The following KCNK2 variants were observed in gnomAD, a reference collection of about 807,000 sequenced individuals.
KCNK2 encodes potassium two pore domain channel subfamily K member 2.
Under a neutral mutation model 40.5 loss-of-function variants are expected in KCNK2, and 21 were observed. The observed-to-expected ratio is 0.52, with a 90% CI of 0.37 to 0.75. KCNK2 has a LOEUF of 0.75. Ranked by LOEUF, KCNK2 falls within the 30% of genes least tolerant of loss-of-function variation. KCNK2 has a pLI of 0.00. For missense variants in KCNK2, 399 were observed against 531.6 expected, an observed-to-expected ratio of 0.75 and a Z score of 2.45; for synonymous variants, 191 against 202.2, an observed-to-expected ratio of 0.94 and a Z score of 0.47.
chr1:215,050,389 T>A (rs917300916), intron 1 of KCNK2, among the ~76,000 whole-genome samples: 2 of 152,174 alleles, frequency 1.3e-5, no homozygotes, highest in Non-Finnish European at 2.9e-5. Context: ...TAACTATTCA[T>A]TAGTTAAGTC....
At chr1:215,214,808 G>A (rs957220770) in intron 6 of KCNK2, among the ~76,000 whole-genome samples, 2 of 151,990 alleles carry the variant, frequency 1.3e-5, no homozygotes, top group Non-Finnish European at 2.9e-5. Context: ...CCTGGGCAGT[G>A]GGAGTGAGAC....
chr1:215,218,717 C>T (rs1398054275), intron 6 of KCNK2, among the ~76,000 whole-genome samples: 5 of 152,160 alleles, frequency 3.3e-5, no homozygotes, highest in African/African-American at 9.7e-5. Context: ...CCTTACTTCT[C>T]ATCAACTCCT....
At chr1:215,110,497 A>G (rs1453704302) in intron 2 of KCNK2, among the ~76,000 whole-genome samples, 2 of 151,910 alleles carry the variant, frequency 1.3e-5, no homozygotes, top group African/African-American at 4.8e-5. Flanking sequence ...CAATCTTGAC[A>G]CCCTTGTTGA....
intron 1 of KCNK2, among the ~76,000 whole-genome samples, chr1:215,072,140 T>C (rs1184484680): frequency 2.6e-5 from 4 of 152,258 alleles, no homozygotes; most frequent in Non-Finnish European, 4.4e-5. Context: ...ACACTTACAC[T>C]ATATGAGTAA....
At chr1:215,055,930 G>A (rs1658142860) in intron 1 of KCNK2, among the ~76,000 whole-genome samples, 1 of 152,190 alleles carries the variant, frequency 6.6e-6, no homozygotes. Flanking sequence ...CTTGTGGGCT[G>A]CAAATCCTAA....
At chr1:215,096,261 C>A (rs896944976) in intron 2 of KCNK2, among the ~76,000 whole-genome samples, 2 of 151,538 alleles carry the variant, frequency 1.3e-5, no homozygotes, top group South Asian at 4.2e-4. Flanking sequence ...TATAGGATCA[C>A]GTATGCATGC....
intron 1 of KCNK2, among the ~76,000 whole-genome samples, chr1:215,058,345 G>A (rs1195357110): frequency 6.6e-6 from 1 of 152,202 alleles, no homozygotes. Flanking sequence ...GTTAATTGAA[G>A]ACAGAATGCA....
At chr1:215,219,483 A>T (rs1666085496) in intron 6 of KCNK2, among the ~76,000 whole-genome samples, 1 of 150,428 alleles carries the variant, frequency 6.6e-6, no homozygotes, top group Non-Finnish European at 1.5e-5. Flanking sequence ...CTGAAACATA[A>T]ATGCCAAAGT....
chr1:215,029,151 T>C (rs999102803), intron 1 of KCNK2, among the ~76,000 whole-genome samples: 1 of 152,088 alleles, frequency 6.6e-6, no homozygotes, highest in East Asian at 1.9e-4. Context: ...CTAGAGTTGA[T>C]AATTTAATTT....
At chr1:215,080,253 G>C (rs1409651491), upstream of KCNK2, among the ~76,000 whole-genome samples, 3 of 152,194 alleles carry the variant, frequency 2.0e-5, no homozygotes, top group Non-Finnish European at 4.4e-5. Flanking sequence ...GCATTAGCCA[G>C]TTTGACAGAG....
intron 3 of KCNK2, among the ~76,000 whole-genome samples, chr1:215,141,355 T>C (rs1662165325): frequency 6.6e-6 from 1 of 152,140 alleles, no homozygotes; most frequent in Non-Finnish European, 1.5e-5. Flanking sequence ...AGAAGTGCAG[T>C]AGATTTTCTA....
intron 2 of KCNK2, among the ~76,000 whole-genome samples, chr1:215,088,244 T>A (rs1050046721): frequency 6.6e-6 from 1 of 152,184 alleles, no homozygotes; most frequent in South Asian, 2.1e-4. Flanking sequence ...GGAGGCAGCA[T>A]GGTGTAGCAG....
chr1:215,070,782 T>C lies in KCNK2; in HGVS notation c.35-15586T>C, dbSNP rs576312153. On this transcript the variant is annotated intron_variant, in intron 1 of 6. Coordinates refer to the KCNK2 transcript ENST00000391895. ...CTTCCTTCAGCTGTCCTATTAGCTT[T>C]CAGTTTAGTAGAGGAAGCCAGACAT... Among the ~76,000 whole-genome samples the C allele has an allele frequency of 3.3e-5, 5 of 152,170 alleles. No homozygotes were observed. In the East Asian group the frequency reaches 7.7e-4, roughly 24 times the overall value.
intron 2 of KCNK2, among the ~76,000 whole-genome samples, chr1:215,116,744 A>C (rs1192537997): frequency 6.6e-6 from 1 of 152,068 alleles, no homozygotes; most frequent in Non-Finnish European, 1.5e-5. Flanking sequence ...TTAAGTAATA[A>C]GAATTAAATT....
intron 1 of KCNK2, among the ~76,000 whole-genome samples, chr1:215,016,371 A>G (rs1276859593): frequency 6.6e-6 from 1 of 152,136 alleles, no homozygotes; most frequent in African/African-American, 2.4e-5. Flanking sequence ...AAGCTACAGT[A>G]ATAATAAAAC....
Position 215,183,168 on chromosome 1 carries a change from C to T in KCNK2, c.823+10985C>T, listed in dbSNP as rs141009606. ...TCAAGTGACTGAAGCACACTAAAAG[C>T]CATTAATCATTTTTTCCATCTTGGG... On this transcript the variant is annotated intron_variant, in intron 5 of 6. Coordinates refer to ENST00000444842, the MANE Select transcript of KCNK2 (RefSeq NM_001017425.3). Among the ~76,000 whole-genome samples, 60 of 152,158 alleles carry T rather than the reference C, an allele frequency of 3.9e-4. No homozygotes were observed. The East Asian group carries it at 0.011, about 28-fold the overall frequency.
intron 2 of KCNK2, among the ~76,000 whole-genome samples, chr1:215,102,326 T>C (rs1200697833): frequency 6.6e-6 from 1 of 151,936 alleles, no homozygotes; most frequent in Non-Finnish European, 1.5e-5. Flanking sequence ...TTAGTTTTCA[T>C]TAAAACTGTT....
At chr1:215,195,198 G>T in intron 6 of KCNK2, 106 bp downstream of exon 6, 2 of 931,702 alleles carry the variant, frequency 2.1e-6, no homozygotes, top group Non-Finnish European at 3.0e-6. Context: ...ATTTTAAAAT[G>T]TTAATATTTT....
chr1:215,034,059 G>A (rs1657297906), intron 1 of KCNK2, among the ~76,000 whole-genome samples: 1 of 152,138 alleles, frequency 6.6e-6, no homozygotes, highest in African/African-American at 2.4e-5. Context: ...GCCCTTCTTT[G>A]TATTCTCTTG....
Sources: gnomAD v4.1 joint callset for allele counts (sites outside exome capture counted in the v4.1 genomes callset) on GRCh38, gnomAD v4.1.1 for gene constraint, MANE v1.5 for transcripts, NCBI Gene and HGNC (gene_info 2026-07-23, HGNC 2026-07-21) for gene names.